Variants in ZFYVE28 observed in about 807,000 individuals in gnomAD.
ZFYVE28 encodes zinc finger FYVE-type containing 28.
Under a neutral mutation model 82.1 loss-of-function variants are expected in ZFYVE28, and 40 were observed. That is an observed-to-expected ratio of 0.49 (90% CI 0.38 to 0.63). The LOEUF (loss-of-function observed/expected upper bound fraction) is 0.63. ZFYVE28 is among the 30% of genes least tolerant of loss of function. The pLI, the probability that ZFYVE28 is intolerant of heterozygous loss-of-function variation, is 0.00. For synonymous variants in ZFYVE28, 612 were observed against 546.1 expected, an observed-to-expected ratio of 1.12 and a Z score of -1.68; for missense variants, 1,321 against 1,242.1, an observed-to-expected ratio of 1.06 and a Z score of -0.96.
chr4:2,361,677 G>T (rs145013870), intron 1 of ZFYVE28, among the ~76,000 whole-genome samples: 2,028 of 152,278 alleles, frequency 0.013, 20 homozygotes, highest in Middle Eastern at 0.034. Flanking sequence ...TCATGGCCAA[G>T]ACCACATCGC....
chr4:2,304,992 G>A lies in ZFYVE28; in HGVS notation c.1348C>T (p.Pro450Ser), dbSNP rs995315824. 2 of 1,612,706 alleles carry A rather than the reference G, an allele frequency of 1.2e-6. No individual in the cohort carries two copies. The highest frequency in any genetic ancestry group is 1.7e-6 in the Non-Finnish European group (2 of 1,179,868). The change falls in exon 8 of 13, where the codon CCC (proline) becomes TCC (serine). Residue 450 changes from proline (P) to serine (S), a missense_variant. Pro to Ser is a moderately conservative substitution (Grantham distance 74, BLOSUM62 -1). Transcript: ENST00000290974. ...GPGGAAGISL[P>S]ASEKEEDLSN... ...AAGTCCTCCTCCTTTTCCGAGGCGG[G>A]CAAGCTGATCCCCGCCGCTCCGCCT... is the stretch of plus-strand genomic sequence containing the variant.
intron 2 of ZFYVE28, among the ~76,000 whole-genome samples, chr4:2,346,081 C>T (rs1184863568): frequency 6.6e-6 from 1 of 151,386 alleles, no homozygotes; most frequent in East Asian, 1.9e-4. Context: ...GTAATCCCAG[C>T]ACTTTGGGAG....
intron 6 of ZFYVE28, among the ~76,000 whole-genome samples, chr4:2,321,301 G>A (rs1362800781): frequency 6.6e-6 from 1 of 152,168 alleles, no homozygotes; most frequent in African/African-American, 2.4e-5. Context: ...GGAGCACAGG[G>A]ACAGTCTCCT....
chr4:2,323,589 T>C (rs556484921), intron 6 of ZFYVE28, among the ~76,000 whole-genome samples: 1 of 152,030 alleles, frequency 6.6e-6, no homozygotes, highest in African/African-American at 2.4e-5. Context: ...CATGTGCACA[T>C]TGTGCAGGTT....
intron 1 of ZFYVE28, among the ~76,000 whole-genome samples, chr4:2,360,116 T>C (rs1427919034): frequency 6.6e-6 from 1 of 151,930 alleles, no homozygotes. Flanking sequence ...ACGGTATAAT[T>C]GCCTGCGCGT....
rs1467841661 is a variant in ZFYVE28 at position 2,319,818 on chromosome 4, TGGTGGGGATGGTGGGGACGGTGGGGAC to T, written c.803+325_803+351del. On this transcript the variant is annotated intron_variant, in intron 7 of 12. Coordinates refer to ENST00000290974, the MANE Select transcript of ZFYVE28 (RefSeq NM_020972.3). ...TTGGGGACGGTGGGGACGGTGGGGA[TGGTGGGGATGGTGGGGACGGTGGGGAC>T]GGTGGGGATGGTGGGGACAATGGGA... Among the ~76,000 whole-genome samples, 17 of 55,434 alleles carry T rather than the reference TGGTGGGGATGGTGGGGACGGTGGGGAC, an allele frequency of 3.1e-4. No individual in the cohort carries two copies. In the East Asian group the frequency reaches 0.015, roughly 48 times the overall value. 36.4% of individuals were successfully genotyped at this position (55,434 alleles called of 152,430 possible). A position where few individuals can be genotyped will look rare whatever the true frequency, so the allele number is the denominator to read the frequency against.
intron 8 of ZFYVE28, among the ~76,000 whole-genome samples, chr4:2,290,860 C>G (rs962383531): frequency 6.6e-6 from 1 of 152,210 alleles, no homozygotes; most frequent in Admixed American, 6.5e-5. Flanking sequence ...TGGCCAAGAT[C>G]TGGACTCTGG....
At position 2,305,298 on chromosome 4, in the gene ZFYVE28, T is replaced by G; in HGVS notation, c.1042A>C (p.Met348Leu). Residue 348 changes from methionine (M) to leucine (L), a missense_variant, in exon 8 of 13, where the codon ATG (methionine) becomes CTG (leucine). Met to Leu is a conservative substitution (Grantham distance 15). Around this residue, in one of 2 missense-constraint regions of ZFYVE28, gnomAD observed 978 missense variants for 833.7 expected, o/e 1.17. Transcript: ENST00000290974. The stretch of plus-strand genomic sequence containing the variant: ...ATCTCGTCCCCCGCCCTGTGGACCA[T>G]GCGGCTGAGCTGCTCCAGCTCCTGG... ...DDQELEQLSRMVHRAGDEMSS... is the reference protein window; with the variant it reads ...DDQELEQLSRLVHRAGDEMSS... The G allele has an allele frequency of 2.5e-6, 4 of 1,613,088 alleles. No individual in the cohort carries two copies. The highest frequency in any genetic ancestry group is 3.4e-6 in the Non-Finnish European group (4 of 1,179,986).
chr4:2,381,574 T>A (rs1361237693), intron 1 of ZFYVE28, among the ~76,000 whole-genome samples: 1 of 152,042 alleles, frequency 6.6e-6, no homozygotes, highest in Non-Finnish European at 1.5e-5. Context: ...GCCCGGCTAA[T>A]TTTTGTATTT....
Position 2,269,611 on chromosome 4 carries a change from A to G in ZFYVE28, c.*1114T>C, listed in dbSNP as rs532353898. On this transcript the variant is annotated 3_prime_UTR_variant, in exon 13 of 13. Transcript: ENST00000290974. ...AGGAGAGCGTCTGCAATCCTTAAAT[A>G]GATTTATGGAAATGGCTTCAAATTA... 1.3e-5 allele frequency: 2 copies of G among 152,228 alleles called. No homozygotes were observed. Among genetic ancestry groups the G allele is most frequent in the Non-Finnish European group, 2.9e-5 (2 of 68,054 alleles). 9.4% of individuals were successfully genotyped at this position (152,228 alleles called of 1,614,324 possible).
rs537459794 is a variant in ZFYVE28 at position 2,370,654 on chromosome 4, C to T, written c.40-16581G>A. The stretch of plus-strand genomic sequence containing the variant: ...GGGGCCAGAGGGAGCACCCACCATC[C>T]TGGGCATCACTGTACCGGGAGAGGG... On this transcript the variant is annotated intron_variant, in intron 1 of 12. Coordinates refer to ENST00000290974, the MANE Select transcript of ZFYVE28 (RefSeq NM_020972.3). 8.5e-5 allele frequency among the ~76,000 whole-genome samples: 13 copies of T among 152,344 alleles called. No individual in the cohort carries two copies. In the South Asian group the frequency reaches 1.0e-3, roughly 12 times the overall value.
rs1722485694 is a variant in ZFYVE28, at chr4:2,339,837, T to C, written c.319-182A>G. Among the ~76,000 whole-genome samples the C allele has an allele frequency of 6.6e-6, 1 of 151,084 alleles. No individual in the cohort carries two copies. The highest frequency in any genetic ancestry group is 1.5e-5 in the Non-Finnish European group (1 of 67,818). Reference sequence around the variant, plus strand: ...ACATTCAGAGCAATCGTGAGGGCGATAACCGATGTCCCCCAATGTGACCCA... The same window carrying C: ...ACATTCAGAGCAATCGTGAGGGCGACAACCGATGTCCCCCAATGTGACCCA... On this transcript the variant is annotated intron_variant, in intron 3 of 12. Transcript: ENST00000290974. The surrounding 1 kb of genome is among the most constrained non-coding windows in gnomAD (Gnocchi z 5.0).
At chr4:2,330,151 T>G (rs1054826943) in intron 6 of ZFYVE28, 1 of 516,056 alleles carries the variant, frequency 1.9e-6, no homozygotes, top group Non-Finnish European at 2.5e-6. Flanking sequence ...CGCTCAGGAG[T>G]AAGAGACATC....
At position 2,341,310 on chromosome 4, in the gene ZFYVE28, T is replaced by A. The variant is rs1220384493; in HGVS notation, c.318+168A>T. The A allele has an allele frequency of 1.2e-6, 1 of 855,924 alleles. No homozygotes were observed. Among genetic ancestry groups the A allele is most frequent in the East Asian group, 2.7e-5 (1 of 37,284 alleles). The allele number at this position is 855,924 out of a possible 1,614,324, so 53.0% of individuals were successfully genotyped here. ...ATGGCTTTCCCAGATCCTCCAGGGGTGCACGGCCTACCAGGCTCAGACCAC... is the reference window on the plus strand; with the variant it reads ...ATGGCTTTCCCAGATCCTCCAGGGGAGCACGGCCTACCAGGCTCAGACCAC... On this transcript the variant is annotated intron_variant, in intron 3 of 12. Coordinates refer to ENST00000290974, the MANE Select transcript of ZFYVE28 (RefSeq NM_020972.3). The surrounding 1 kb of genome is among the most constrained non-coding windows in gnomAD (Gnocchi z 4.5).
chr4:2,274,899 C>G (rs1170094406), intron 8 of ZFYVE28, among the ~76,000 whole-genome samples: 1 of 152,070 alleles, frequency 6.6e-6, no homozygotes, highest in African/African-American at 2.4e-5. Context: ...TGCCCTGGAG[C>G]CTGCAGACGG....
intron 1 of ZFYVE28, among the ~76,000 whole-genome samples, chr4:2,391,756 G>A (rs1216036790): frequency 1.1e-5 from 1 of 91,366 alleles, no homozygotes; most frequent in Admixed American, 1.4e-4. Context: ...TTTTTTTTGT[G>A]ACTGAGTCTT....
chr4:2,292,393 G>C (rs957563688), intron 8 of ZFYVE28, among the ~76,000 whole-genome samples: 5 of 152,168 alleles, frequency 3.3e-5, no homozygotes, highest in Admixed American at 2.6e-4. Context: ...AGGTCGAGGG[G>C]CAGACAGGGA....
At chr4:2,298,317 C>A (rs537463429) in intron 8 of ZFYVE28, among the ~76,000 whole-genome samples, 2 of 152,282 alleles carry the variant, frequency 1.3e-5, no homozygotes, top group African/African-American at 4.8e-5. Context: ...GGAGTGCATC[C>A]TGCCATGTAG....
intron 1 of ZFYVE28, among the ~76,000 whole-genome samples, chr4:2,410,526 C>T (rs968387373): frequency 4.8e-5 from 7 of 146,282 alleles, no homozygotes; most frequent in East Asian, 4.0e-4. Context: ...GATAGAGTCT[C>T]GCTCTGTTGC....
Sources: gnomAD v4.1 joint callset for allele counts (sites outside exome capture counted in the v4.1 genomes callset) on GRCh38, gnomAD v4.1.1 for gene constraint, gnomAD v4.1.1 regional missense constraint, Gnocchi (gnomAD v3.1) non-coding constraint, MANE v1.5 for transcripts, NCBI Gene and HGNC (gene_info 2026-07-23, HGNC 2026-07-21) for gene names.